PXDN: variants seen among roughly 807,000 people sequenced by gnomAD.
PXDN encodes peroxidasin.
A neutral mutation model predicts 140.3 loss-of-function variants in PXDN; 77 were observed. That is an observed-to-expected ratio of 0.55 (90% CI 0.46 to 0.66). The LOEUF is 0.66. Ranked by LOEUF, PXDN falls within the 30% of genes least tolerant of loss-of-function variation. The pLI, the probability that PXDN is intolerant of heterozygous loss-of-function variation, is 0.00. For missense variants in PXDN, 1,838 were observed against 2,039.5 expected (o/e 0.90, Z 1.90); for synonymous variants, 911 against 857.4 (o/e 1.06, Z -1.09).
At chr2:1,645,024 T>G (rs944523930) in intron 17 of PXDN, among the ~76,000 whole-genome samples, 20 of 152,212 alleles carry the variant, frequency 1.3e-4, no homozygotes, top group Admixed American at 2.0e-4. Context: ...GGAAGAAAAT[T>G]TAAGCCACAC....
intron 1 of PXDN, among the ~76,000 whole-genome samples, chr2:1,694,957 G>C (rs1276013178): frequency 6.6e-6 from 1 of 152,198 alleles, no homozygotes; most frequent in African/African-American, 2.4e-5. Flanking sequence ...GGTAAGAAAG[G>C]CTGTCCCGGA....
At chr2:1,656,124 CACACAAACACACAACAT>C (rs1683128597) in intron 14 of PXDN, among the ~76,000 whole-genome samples, 1 of 151,674 alleles carries the variant, frequency 6.6e-6, no homozygotes, top group South Asian at 2.1e-4. Context: ...CCCCAAACAC[CACACAAACACACAACAT>C]ACACAAACAC....
intron 1 of PXDN, among the ~76,000 whole-genome samples, chr2:1,702,966 AAG>A (rs1684471013): frequency 7.6e-6 from 1 of 131,354 alleles, no homozygotes. Context: ...TCAGTCTAGA[AAG>A]GCGGGACAAC....
At chr2:1,701,946 A>T (rs949908003) in intron 1 of PXDN, among the ~76,000 whole-genome samples, 2 of 152,088 alleles carry the variant, frequency 1.3e-5, no homozygotes, top group Non-Finnish European at 2.9e-5. Flanking sequence ...CTGGTGCTTG[A>T]TCTTGGACTT....
At position 1,648,804 on chromosome 2, in the gene PXDN, G is replaced by A. The variant is rs771906954; in HGVS notation, c.2976C>T (p.Phe992=). The A allele has an allele frequency of 1.2e-6, 2 of 1,602,772 alleles. No individual in the cohort carries two copies. Among genetic ancestry groups the A allele is most frequent in the Admixed American group, 1.7e-5 (1 of 58,848 alleles). The change falls in exon 17 of 23, where the codon TTC becomes TTT. Residue 992 remains phenylalanine (F), a synonymous_variant. Coordinates refer to ENST00000252804, the MANE Select transcript of PXDN (RefSeq NM_012293.3). The surrounding 1 kb of genome is among the most constrained non-coding windows in gnomAD (Gnocchi z 8.9). ...LGLTSMHTLW[F]REHNRIATEL... ...CCGTGGCAATGCGGTTGTGCTCGCG[G>A]AACCACAGCGTGTGCATGCTGGTCA...
chr2:1,656,621 G>A (rs952652806), intron 14 of PXDN, among the ~76,000 whole-genome samples: 3 of 146,520 alleles, frequency 2.0e-5, no homozygotes, highest in African/African-American at 7.7e-5. Context: ...AATAAAACTG[G>A]TCCCCTCATG....
At chr2:1,646,697 T>C (rs181008221) in intron 17 of PXDN, among the ~76,000 whole-genome samples, 225 of 152,330 alleles carry the variant, frequency 1.5e-3, no homozygotes, top group African/African-American at 5.1e-3. Context: ...ACTTCAGCGT[T>C]AAGTAACTTA....
chr2:1,663,535 T>C, intron 12 of PXDN, 70 bp downstream of exon 12: 1 of 1,569,566 alleles, frequency 6.4e-7, no homozygotes, highest in Non-Finnish European at 8.7e-7. Flanking sequence ...TAATGTCAGC[T>C]GCGGAATTCT....
intron 1 of PXDN, among the ~76,000 whole-genome samples, chr2:1,723,312 G>A (rs1269538089): frequency 6.6e-6 from 1 of 152,174 alleles, no homozygotes; most frequent in African/African-American, 2.4e-5. Context: ...TGGATGGATA[G>A]CTGGAGGGAT....
intron 1 of PXDN, among the ~76,000 whole-genome samples, chr2:1,718,844 CCAGGGCAGGGCAAGG>C (rs1467338884): frequency 6.6e-6 from 1 of 152,244 alleles, no homozygotes; most frequent in Non-Finnish European, 1.5e-5. Flanking sequence ...GAAGAAATGG[CCAGGGCAGGGCAAGG>C]CAGAGCGGGC....
At position 1,687,251 on chromosome 2, in the gene PXDN, G is replaced by C. The variant is rs79309938; in HGVS notation, c.416+381C>G. Among the ~76,000 whole-genome samples, 9,407 of 152,216 alleles carry C rather than the reference G, an allele frequency of 0.062. 618 individuals carry two copies. Among genetic ancestry groups the C allele is most frequent in the East Asian group, 0.29 (1,519 of 5,150 alleles). ...CGAGGCAAAGAGCCCTCTCCTCCCC[G>C]GGCACCCTGGATATTTCCCCTGTGA... On this transcript the variant is annotated intron_variant, in intron 4 of 22. Transcript: ENST00000252804. The surrounding 1 kb of genome is among the most constrained non-coding windows in gnomAD (Gnocchi z 4.0).
chr2:1,680,181 C>T lies in PXDN; in HGVS notation c.730+12G>A, dbSNP rs376434405. On this transcript the variant is annotated intron_variant, in intron 7 of 22. Transcript: ENST00000252804. Reference sequence around the variant, plus strand: ...GAGTGTGTGGATGGTGTGTGCGTGTCGGGCCACTCACCACAGTTCAGCTCT... The same window carrying T: ...GAGTGTGTGGATGGTGTGTGCGTGTTGGGCCACTCACCACAGTTCAGCTCT... 26 of 1,544,400 alleles carry T rather than the reference C, an allele frequency of 1.7e-5. 1 individual carries two copies. Among genetic ancestry groups the T allele is most frequent in the Middle Eastern group, 3.7e-4 (2 of 5,472 alleles).
chr2:1,735,381 T>C (rs1342512908), intron 1 of PXDN, among the ~76,000 whole-genome samples: 4 of 152,212 alleles, frequency 2.6e-5, no homozygotes, highest in Non-Finnish European at 5.9e-5. Context: ...GCAGTTACAG[T>C]ATTATGGAAT....
At chr2:1,637,523 G>T (rs113063241) in intron 21 of PXDN, among the ~76,000 whole-genome samples, 1 of 82,814 alleles carries the variant, frequency 1.2e-5, no homozygotes, top group East Asian at 3.6e-4. Context: ...TCTAGGCTGC[G>T]GAGGGAGGAA....
At chr2:1,653,587 A>C (rs1683062016) in intron 16 of PXDN, 41 bp downstream of exon 16, 1 of 1,605,712 alleles carries the variant, frequency 6.2e-7, no homozygotes, top group Non-Finnish European at 8.5e-7. Flanking sequence ...CAACCCCGTT[A>C]CTCAGGCCAT....
chr2:1,727,518 G>A lies in PXDN; in HGVS notation c.200+16738C>T, dbSNP rs1030074407. Among the ~76,000 whole-genome samples, 12 of 152,290 alleles carry A rather than the reference G, an allele frequency of 7.9e-5. No individual in the cohort carries two copies. In the East Asian group the frequency reaches 1.7e-3, roughly 22 times the overall value. Reference sequence around the variant, plus strand: ...GTCACGTCCTCAAGGGAGCACATCCGGAAAGCACAGACCAGGACCCCAGCT... The same window carrying A: ...GTCACGTCCTCAAGGGAGCACATCCAGAAAGCACAGACCAGGACCCCAGCT... On this transcript the variant is annotated intron_variant, in intron 1 of 22. Transcript: ENST00000252804.
intron 14 of PXDN, among the ~76,000 whole-genome samples, chr2:1,657,020 C>T (rs1018852689): frequency 5.4e-5 from 8 of 149,398 alleles, no homozygotes; most frequent in African/African-American, 2.0e-4. Context: ...CTGACTAAAA[C>T]CTACCCCCTG....
At chr2:1,711,999 G>A (rs1312939740) in intron 1 of PXDN, among the ~76,000 whole-genome samples, 1 of 152,130 alleles carries the variant, frequency 6.6e-6, no homozygotes, top group Non-Finnish European at 1.5e-5. Context: ...CAACTCTCAA[G>A]TAATCATCCA....
intron 12 of PXDN, among the ~76,000 whole-genome samples, chr2:1,663,333 T>C (rs915041127): frequency 2.0e-5 from 3 of 152,140 alleles, no homozygotes; most frequent in Non-Finnish European, 4.4e-5. Flanking sequence ...AAAAACCTGA[T>C]AGATTTTACT....
Sources: allele counts gnomAD v4.1 joint callset (sites outside exome capture counted in the v4.1 genomes callset), GRCh38; gene constraint gnomAD v4.1.1; non-coding constraint Gnocchi (gnomAD v3.1); transcripts MANE v1.5; gene names NCBI Gene and HGNC (gene_info 2026-07-23, HGNC 2026-07-21).